Variants in VPS13A observed in about 807,000 individuals in gnomAD.
VPS13A encodes the protein vacuolar protein sorting 13 homolog A.
VPS13A carries 264 observed loss-of-function variants against 390.9 expected under a neutral mutation model. That is an observed-to-expected ratio of 0.68 (90% CI 0.61 to 0.75). The LOEUF is 0.75. Among genes scored for constraint, VPS13A ranks in the 30% least tolerant of loss-of-function variants. VPS13A has a pLI of 0.00. For missense variants in VPS13A, 3,409 were observed against 3,733.9 expected, an observed-to-expected ratio of 0.91 and a Z score of 2.27; for synonymous variants, 1,231 against 1,227.1, an observed-to-expected ratio of 1.00 and a Z score of -0.07.
At chr9:77,214,764 A>C (rs1822760025) in intron 10 of VPS13A, among the ~76,000 whole-genome samples, 1 of 152,192 alleles carries the variant, frequency 6.6e-6, no homozygotes. Flanking sequence ...CTGCATTTAA[A>C]ATTTTTTTAA....
At chr9:77,347,517 C>CCCAGGCTGGAGTGCAGTGGTGCGAT (rs1267567178) in intron 52 of VPS13A, among the ~76,000 whole-genome samples, 1 of 151,936 alleles carries the variant, frequency 6.6e-6, no homozygotes. Context: ...CAATCTGTTG[C>CCCAGGCTGGAGTGCAGTGGTGCGAT]CCAGGCTGGA....
intron 45 of VPS13A, among the ~76,000 whole-genome samples, chr9:77,324,546 C>A (rs921493364): frequency 6.6e-6 from 1 of 152,102 alleles, no homozygotes; most frequent in African/African-American, 2.4e-5. Context: ...TTCACTGATT[C>A]TTTTTAAATA....
chr9:77,205,523 A>G lies in VPS13A; in HGVS notation c.283+115A>G, dbSNP rs62573171. On this transcript the variant is annotated intron_variant, in intron 4 of 71. Transcript: ENST00000360280. ...TGAGATTTTAATATTTAAATTTGAT[A>G]TTTGTTAATTCAAATTAAATTGGTT... 18,510 of 427,240 alleles carry G rather than the reference A, an allele frequency of 0.043. 514 individuals carry two copies. Among genetic ancestry groups the G allele is most frequent in the Non-Finnish European group, 0.052 (13,419 of 257,392 alleles). The allele number at this position is 427,240 out of a possible 1,614,324, so 26.5% of individuals were successfully genotyped here.
rs756159278 is a variant in VPS13A at position 77,281,941 on chromosome 9, T to C, written c.2964+15T>C. 2.9e-5 allele frequency: 43 copies of C among 1,498,140 alleles called. No individual in the cohort carries two copies. In the South Asian group the frequency reaches 4.7e-4, roughly 16 times the overall value. The allele number at this position is 1,498,140 out of a possible 1,614,324, so 92.8% of individuals were successfully genotyped here. A position where few individuals can be genotyped will look rare whatever the true frequency, so the allele number is the denominator to read the frequency against. On this transcript the variant is annotated intron_variant, in intron 28 of 71. Coordinates refer to ENST00000360280, the MANE Select transcript of VPS13A (RefSeq NM_033305.3). ...AATTGATTAAGGTATGAGTAGATAA[T>C]TTATTTTTTAATTATGTACTATTTC...
chr9:77,226,109 T>G (rs1328368237), intron 14 of VPS13A, 121 bp downstream of exon 14: 1 of 875,230 alleles, frequency 1.1e-6, no homozygotes, highest in Admixed American at 2.5e-5. Flanking sequence ...AATTTGCTTT[T>G]TAGTATTATA....
intron 1 of VPS13A, among the ~76,000 whole-genome samples, chr9:77,191,562 GT>G: frequency 6.6e-6 from 1 of 152,178 alleles, no homozygotes; most frequent in African/African-American, 2.4e-5. Context: ...GCCTTGCAAA[GT>G]ACTGGGATTA....
At chr9:77,208,839 C>G (rs1825817643) in intron 5 of VPS13A, among the ~76,000 whole-genome samples, 1 of 152,208 alleles carries the variant, frequency 6.6e-6, no homozygotes, top group Non-Finnish European at 1.5e-5. Context: ...TGTGAGCCAC[C>G]TTGCCCCTCC....
chr9:77,406,070 T>TAC, intron 70 of VPS13A, 83 bp downstream of exon 70: 1 of 1,547,524 alleles, frequency 6.5e-7, no homozygotes, highest in Non-Finnish European at 8.8e-7. Context: ...TATAATGCTC[T>TAC]ACCTCTTTTA....
At chr9:77,263,324 G>A (rs1389353739) in intron 23 of VPS13A, among the ~76,000 whole-genome samples, 1 of 151,894 alleles carries the variant, frequency 6.6e-6, no homozygotes, top group Non-Finnish European at 1.5e-5. Flanking sequence ...AGCCAGGATG[G>A]TCTCAATCTC....
intron 67 of VPS13A, among the ~76,000 whole-genome samples, chr9:77,380,668 A>G (rs904364333): frequency 6.6e-6 from 1 of 152,194 alleles, no homozygotes; most frequent in East Asian, 1.9e-4. Context: ...ATGTGTATAC[A>G]TTATGTTAGC....
At chr9:77,270,658 T>C (rs918230459) in intron 23 of VPS13A, among the ~76,000 whole-genome samples, 5 of 152,052 alleles carry the variant, frequency 3.3e-5, no homozygotes, top group African/African-American at 1.2e-4. Flanking sequence ...GCCACTACAC[T>C]CCAGCCTGGG....
chr9:77,188,391 C>T (rs1323068528), intron 1 of VPS13A, among the ~76,000 whole-genome samples: 2 of 152,184 alleles, frequency 1.3e-5, no homozygotes, highest in Non-Finnish European at 2.9e-5. Context: ...TCTGTGATAA[C>T]TCGCTTAGGA....
intron 46 of VPS13A, among the ~76,000 whole-genome samples, chr9:77,336,107 A>G (rs1830524400): frequency 6.6e-6 from 1 of 152,232 alleles, no homozygotes; most frequent in Non-Finnish European, 1.5e-5. Context: ...ACAGGAACAA[A>G]AAACCAAACA....
At chr9:77,297,315 C>G (rs543665591) in intron 33 of VPS13A, among the ~76,000 whole-genome samples, 82 of 151,784 alleles carry the variant, frequency 5.4e-4, no homozygotes, top group Non-Finnish European at 1.1e-3. Flanking sequence ...GCTCTCTTCT[C>G]TCTGGTATTT....
intron 4 of VPS13A, among the ~76,000 whole-genome samples, chr9:77,205,693 G>A (rs1411158175): frequency 1.3e-5 from 2 of 151,974 alleles, no homozygotes; most frequent in Admixed American, 6.6e-5. Flanking sequence ...CTGGGTTCAA[G>A]CGATTCTCCT....
At position 77,370,547 on chromosome 9, in the gene VPS13A, G is replaced by T. The variant is rs1563967467; in HGVS notation, c.8876G>T (p.Gly2959Val). 6.2e-7 allele frequency: 1 copy of T among 1,614,106 alleles called. No individual in the cohort carries two copies. The highest frequency in any genetic ancestry group is 8.5e-7 in the Non-Finnish European group (1 of 1,180,024). The part of the protein sequence containing the change: ...MNKQPAGFRE[G>V]ITRGGKGLVS... ...AAGCAACCAGCTGGTTTTAGAGAAG[G>T]CATCACTCGTGGAGGAAAAGGCTTA... Residue 2959 changes from glycine (G) to valine (V), a missense_variant, in exon 65 of 72, where the codon GGC becomes GTC. Around this residue, in one of 5 missense-constraint regions of VPS13A, gnomAD observed 318 missense variants for 333.7 expected, o/e 0.95. Coordinates refer to ENST00000360280, the MANE Select transcript of VPS13A (RefSeq NM_033305.3).
intron 46 of VPS13A, among the ~76,000 whole-genome samples, chr9:77,336,024 C>A (rs926086798): frequency 1.3e-5 from 2 of 152,116 alleles, no homozygotes; most frequent in Non-Finnish European, 2.9e-5. Context: ...TACTACGCAG[C>A]CATAGAAAAG....
intron 67 of VPS13A, among the ~76,000 whole-genome samples, chr9:77,380,084 T>C (rs1833346157): frequency 6.6e-6 from 1 of 152,152 alleles, no homozygotes; most frequent in African/African-American, 2.4e-5. Context: ...TTGACCCTTT[T>C]TTCCTTATAA....
At chr9:77,205,285 C>CT in intron 3 of VPS13A, 28 bp from the exon 4 acceptor site, 2 of 1,251,028 alleles carry the variant, frequency 1.6e-6, no homozygotes, top group South Asian at 1.5e-5. Flanking sequence ...TATTTTTTGT[C>CT]CTTTTTTTTT....
Sources: gnomAD v4.1 joint callset for allele counts (sites outside exome capture counted in the v4.1 genomes callset) on GRCh38, gnomAD v4.1.1 for gene constraint, gnomAD v4.1.1 regional missense constraint, MANE v1.5 for transcripts, NCBI Gene and HGNC (gene_info 2026-07-23, HGNC 2026-07-21) for gene names.